NKAIN2: variants seen among roughly 807,000 people sequenced by gnomAD.
The protein encoded by NKAIN2 is sodium/potassium transporting ATPase interacting 2.
A neutral mutation model predicts 32.6 loss-of-function variants in NKAIN2; 14 were observed. The observed-to-expected ratio is 0.43, with a 90% confidence interval of 0.28 to 0.67. NKAIN2 has a LOEUF of 0.67. Ranked by LOEUF, NKAIN2 falls within the 30% of genes least tolerant of loss-of-function variation. The pLI is 0.17. For missense variants in NKAIN2, 198 were observed against 258.3 expected (o/e 0.77, Z 1.60); for synonymous variants, 80 against 87.2 (o/e 0.92, Z 0.46).
intron 1 of NKAIN2, among the ~76,000 whole-genome samples, chr6:123,906,831 A>G (rs1213643830): frequency 6.6e-6 from 1 of 152,206 alleles, no homozygotes; most frequent in Non-Finnish European, 1.5e-5. Flanking sequence ...AACATCATTC[A>G]GATTTATTGG....
intron 1 of NKAIN2, among the ~76,000 whole-genome samples, chr6:124,170,894 C>G (rs1017661074): frequency 6.6e-6 from 1 of 152,222 alleles, no homozygotes; most frequent in East Asian, 1.9e-4. Context: ...ACATTTGACT[C>G]ATTAGTTCTT....
rs1413930137 is a variant in NKAIN2, at chr6:124,151,449, G to C, written c.55-131556G>C. Among the ~76,000 whole-genome samples, 12 of 151,950 alleles carry C rather than the reference G, an allele frequency of 7.9e-5. No individual in the cohort carries two copies. The South Asian group carries it at 2.3e-3, about 29-fold the overall frequency. On this transcript the variant is annotated intron_variant, in intron 1 of 6. Coordinates refer to ENST00000368417, the MANE Select transcript of NKAIN2 (RefSeq NM_001040214.3). ...TGGATGCATATGTGGTTTTTTTCCA[G>C]TGTGAGTGTATGATAAATAACACTG...
At chr6:124,153,704 A>G (rs1193985650) in intron 1 of NKAIN2, among the ~76,000 whole-genome samples, 1 of 151,406 alleles carries the variant, frequency 6.6e-6, no homozygotes, top group Non-Finnish European at 1.5e-5. Flanking sequence ...TTGTTTATTG[A>G]CCTTGTTTTC....
intron 4 of NKAIN2, among the ~76,000 whole-genome samples, chr6:124,703,019 A>G (rs1218990302): frequency 6.6e-6 from 1 of 152,126 alleles, no homozygotes; most frequent in Non-Finnish European, 1.5e-5. Context: ...CATGTGCTGG[A>G]TAGAGTAAAA....
At chr6:124,784,054 A>C (rs1385535665) in intron 4 of NKAIN2, among the ~76,000 whole-genome samples, 1 of 152,204 alleles carries the variant, frequency 6.6e-6, no homozygotes, top group Non-Finnish European at 1.5e-5. Flanking sequence ...TTTGTACTTA[A>C]GAAAACAAGC....
intron 1 of NKAIN2, among the ~76,000 whole-genome samples, chr6:124,019,846 C>A (rs1162362016): frequency 6.6e-6 from 1 of 152,060 alleles, no homozygotes; most frequent in African/African-American, 2.4e-5. Flanking sequence ...CACTATTCTC[C>A]ATTATAACTA....
intron 6 of NKAIN2, among the ~76,000 whole-genome samples, chr6:124,821,889 G>A (rs1358692232): frequency 6.6e-6 from 1 of 152,090 alleles, no homozygotes; most frequent in Non-Finnish European, 1.5e-5. Flanking sequence ...CCAATAAAAG[G>A]AAAACAAAAG....
intron 5 of NKAIN2, among the ~76,000 whole-genome samples, chr6:124,805,929 A>T (rs1780528750): frequency 6.6e-6 from 1 of 152,214 alleles, no homozygotes; most frequent in Admixed American, 6.5e-5. Flanking sequence ...CAAGAAGGGA[A>T]GTTTAGAGAA....
chr6:124,024,515 C>A, intron 1 of NKAIN2, among the ~76,000 whole-genome samples: 1 of 152,068 alleles, frequency 6.6e-6, no homozygotes, highest in Non-Finnish European at 1.5e-5. Flanking sequence ...TTAATAAGTT[C>A]ACATAAGGAT....
intron 3 of NKAIN2, 65 bp from the exon 4 acceptor site, chr6:124,658,121 A>T: frequency 7.9e-7 from 1 of 1,266,004 alleles, no homozygotes; most frequent in Non-Finnish European, 1.1e-6. Context: ...AAAGCAAGTC[A>T]GTCCCAAGTA....
At chr6:124,553,981 G>T (rs959960965) in intron 3 of NKAIN2, among the ~76,000 whole-genome samples, 1 of 152,042 alleles carries the variant, frequency 6.6e-6, no homozygotes, top group Admixed American at 6.5e-5. Context: ...CAGAAAAGTG[G>T]GAAGATAAGT....
At chr6:124,516,901 G>A (rs1170464645) in intron 3 of NKAIN2, among the ~76,000 whole-genome samples, 1 of 152,134 alleles carries the variant, frequency 6.6e-6, no homozygotes, top group South Asian at 2.1e-4. Context: ...TGTTGGGTAC[G>A]TAAAAACATC....
chr6:123,868,110 T>A (rs538395006), intron 1 of NKAIN2, among the ~76,000 whole-genome samples: 40 of 152,092 alleles, frequency 2.6e-4, no homozygotes, highest in Non-Finnish European at 1.0e-4. Context: ...CCTTGTGATC[T>A]GCCCACCTTG....
chr6:124,785,258 T>C (rs1779447769), intron 4 of NKAIN2, among the ~76,000 whole-genome samples: 2 of 152,164 alleles, frequency 1.3e-5, no homozygotes, highest in African/African-American at 2.4e-5. Context: ...TCCTTATATA[T>C]TCTGTTTCTT....
Position 124,610,165 on chromosome 6 carries a change from A to G in NKAIN2, c.274-48021A>G, listed in dbSNP as rs1782639178. ...CTTTTATTCACAAATGCTTATGACA[A>G]TGTATTATAATTATTGATTGATAGG... On this transcript the variant is annotated intron_variant, in intron 3 of 6. Transcript: ENST00000368417. 2.0e-5 allele frequency among the ~76,000 whole-genome samples: 3 copies of G among 152,146 alleles called. No individual in the cohort carries two copies. The South Asian group carries it at 6.2e-4, about 32-fold the overall frequency.
intron 3 of NKAIN2, among the ~76,000 whole-genome samples, chr6:124,644,041 TTTG>T (rs1258715292): frequency 6.6e-6 from 1 of 152,226 alleles, no homozygotes; most frequent in African/African-American, 2.4e-5. Context: ...ATGCTTATTA[TTTG>T]TTGAGCAATT....
Position 124,551,234 on chromosome 6 carries a change from G to A in NKAIN2, c.274-106952G>A, listed in dbSNP as rs1033573909. ...GGAACACACAGGGGAAATGGTGTTA[G>A]CATTATTAGTCTATTGTCATAGAAA... On this transcript the variant is annotated intron_variant, in intron 3 of 6. Coordinates refer to ENST00000368417, the MANE Select transcript of NKAIN2 (RefSeq NM_001040214.3). Among the ~76,000 whole-genome samples, 5 of 152,318 alleles carry A rather than the reference G, an allele frequency of 3.3e-5. 1 individual carries two copies. Among genetic ancestry groups the A allele is most frequent in the Admixed American group, 2.6e-4 (4 of 15,304 alleles).
At chr6:124,116,398 G>A (rs567763329) in intron 1 of NKAIN2, among the ~76,000 whole-genome samples, 3 of 152,076 alleles carry the variant, frequency 2.0e-5, no homozygotes, top group South Asian at 4.2e-4. Context: ...TTAGGCTATC[G>A]CGGGAACAGC....
At chr6:124,076,758 T>A (rs1783714991) in intron 1 of NKAIN2, among the ~76,000 whole-genome samples, 5 of 152,216 alleles carry the variant, frequency 3.3e-5, no homozygotes, top group Admixed American at 3.3e-4. Context: ...TTAGGCTTAA[T>A]ATTTGCAAAT....
Sources: gnomAD v4.1 joint callset for allele counts (sites outside exome capture counted in the v4.1 genomes callset) on GRCh38, gnomAD v4.1.1 for gene constraint, MANE v1.5 for transcripts, NCBI Gene and HGNC (gene_info 2026-07-23, HGNC 2026-07-21) for gene names.